Variants in FHAD1 observed in about 807,000 individuals in gnomAD.
FHAD1 encodes the protein forkhead associated phosphopeptide binding domain 1, also known as forkhead-associated domain-containing protein 1.
In FHAD1, 146 loss-of-function variants were observed where a neutral mutation model predicts 191.3. That is an observed-to-expected ratio of 0.76 (90% CI 0.67 to 0.88). FHAD1 has a LOEUF of 0.88. Ranked by LOEUF, FHAD1 falls within the 40% of genes least tolerant of loss-of-function variation. The pLI is 0.00. For missense variants in FHAD1, 1,635 were observed against 1,785.8 expected (o/e 0.92, Z 1.52); for synonymous variants, 616 against 672.3 (o/e 0.92, Z 1.29).
intron 14 of FHAD1, among the ~76,000 whole-genome samples, chr1:15,330,387 C>T (rs1453106214): frequency 6.6e-6 from 1 of 152,100 alleles, no homozygotes; most frequent in Non-Finnish European, 1.5e-5. Context: ...AGAGACGTAA[C>T]GGGGTCAGGA....
chr1:15,268,464 A>G (rs905144328), intron 2 of FHAD1, among the ~76,000 whole-genome samples: 2 of 134,308 alleles, frequency 1.5e-5, no homozygotes, highest in African/African-American at 5.2e-5. Context: ...ATACGTGTGC[A>G]TGTGTCTTTA....
rs150742559 is a variant in FHAD1 at position 15,254,248 on chromosome 1, T to C, written c.93+2371T>C. ...GAACTGGACTATGATATTAGAAAACTGTAGTAATTTTTAAAAGCACAGGCT... is the reference window on the plus strand; with the variant it reads ...GAACTGGACTATGATATTAGAAAACCGTAGTAATTTTTAAAAGCACAGGCT... On this transcript the variant is annotated intron_variant, in intron 2 of 33. Coordinates refer to ENST00000688493, the MANE Select transcript of FHAD1 (RefSeq NM_001391957.1). Among the ~76,000 whole-genome samples the C allele has an allele frequency of 7.3e-4, 111 of 152,314 alleles. No homozygotes were observed. The East Asian group carries it at 0.017, about 24-fold the overall frequency.
chr1:15,358,067 A>G (rs1275392739), intron 20 of FHAD1, 43 bp from the exon 21 acceptor site: 3 of 1,389,334 alleles, frequency 2.2e-6, no homozygotes, highest in Non-Finnish European at 2.9e-6. Flanking sequence ...GTAAATATGT[A>G]TTCCTGAATG....
intron 5 of FHAD1, among the ~76,000 whole-genome samples, chr1:15,299,740 A>AGAT (rs1668152848): frequency 6.6e-6 from 1 of 152,262 alleles, no homozygotes; most frequent in African/African-American, 2.4e-5. Context: ...GGCACACAGT[A>AGAT]GATGCTCAAT....
In FHAD1 at chr1:15,358,204, C is replaced by T; in HGVS notation, c.2657C>T (p.Thr886Ile). Residue 886 changes from threonine (T) to isoleucine (I), a missense_variant, in exon 21 of 34, where the codon ACT becomes ATT. Thr to Ile is a moderately conservative substitution (Grantham distance 89). Transcript: ENST00000688493. ...GAAGAGACTCAGAAAACAAAGGCAA[C>T]TGAAAGTCTAAAAGCAGAGAGCCTC... ...MVEETQKTKA[T>I]ESLKAESLAL... 1 of 1,540,740 alleles carries T rather than the reference C, an allele frequency of 6.5e-7. No homozygotes were observed. Among genetic ancestry groups the T allele is most frequent in the African/African-American group, 1.4e-5 (1 of 72,212 alleles).
At chr1:15,266,579 A>G (rs1653619804) in intron 2 of FHAD1, among the ~76,000 whole-genome samples, 1 of 152,164 alleles carries the variant, frequency 6.6e-6, no homozygotes, top group African/African-American at 2.4e-5. Flanking sequence ...ATGAATCAAT[A>G]TTCATATGTT....
chr1:15,363,689 G>A (rs926990238), intron 23 of FHAD1: 18 of 453,714 alleles, frequency 4.0e-5, no homozygotes, highest in Middle Eastern at 3.8e-4. Flanking sequence ...TTAAGGGGTC[G>A]GCTAAGTGAC....
chr1:15,289,520 C>T lies in FHAD1; in HGVS notation c.422C>T (p.Pro141Leu). Residue 141 changes from proline to leucine, a missense_variant, in exon 4 of 34, where the codon CCA (proline) becomes CTA (leucine). Pro to Leu is a moderately conservative substitution (Grantham distance 98). Transcript: ENST00000688493. This position sits in a 1 kb window ranked among gnomAD's most constrained non-coding sequence, Gnocchi z 4.2. Reference sequence around the variant, plus strand: ...ATCCCCTTCCACCAAGGTGTCCAGCCAGCACCGATGCAAAGGAGCTGGTCC... The same window carrying T: ...ATCCCCTTCCACCAAGGTGTCCAGCTAGCACCGATGCAAAGGAGCTGGTCC... The part of the protein sequence containing the change: ...SHIPFHQGVQ[P>L]APMQRSWSQA... 1 of 1,551,908 alleles carries T rather than the reference C, an allele frequency of 6.4e-7. No homozygotes were observed. The highest frequency in any genetic ancestry group is 1.4e-5 in the African/African-American group (1 of 73,186).
chr1:15,379,676 T>C (rs1490569648), intron 28 of FHAD1, among the ~76,000 whole-genome samples: 3 of 152,224 alleles, frequency 2.0e-5, no homozygotes, highest in Non-Finnish European at 4.4e-5. Flanking sequence ...TAGGCAGAGG[T>C]CCATGCGGCT....
intron 2 of FHAD1, among the ~76,000 whole-genome samples, chr1:15,267,270 G>A (rs760319317): frequency 2.2e-4 from 34 of 151,786 alleles, no homozygotes; most frequent in Non-Finnish European, 4.9e-4. Flanking sequence ...ATTTTCAAAC[G>A]CCAAATCAGT....
chr1:15,316,783 C>G lies in FHAD1; in HGVS notation c.1260+316C>G, dbSNP rs1674600370. Among the ~76,000 whole-genome samples, 1 of 152,226 alleles carries G rather than the reference C, an allele frequency of 6.6e-6. No individual in the cohort carries two copies. Among genetic ancestry groups the G allele is most frequent in the South Asian group, 2.1e-4 (1 of 4,834 alleles). The stretch of plus-strand genomic sequence containing the variant: ...CATGGTCCCCTGCCCCACCCCTGAC[C>G]TGTGACTCCCAAACATGTATTCCAC... On this transcript the variant is annotated intron_variant, in intron 9 of 33. Transcript: ENST00000688493. The surrounding 1 kb of genome is among the most constrained non-coding windows in gnomAD (Gnocchi z 4.3).
intron 6 of FHAD1, among the ~76,000 whole-genome samples, chr1:15,305,052 A>G (rs1670028710): frequency 6.6e-6 from 1 of 152,208 alleles, no homozygotes; most frequent in South Asian, 2.1e-4. Context: ...AATAACAATC[A>G]CACTGGTGTT....
At chr1:15,256,525 C>T (rs1455173035) in intron 2 of FHAD1, among the ~76,000 whole-genome samples, 3 of 151,692 alleles carry the variant, frequency 2.0e-5, no homozygotes, top group African/African-American at 7.3e-5. Context: ...TGGTGGTGCA[C>T]ACCTGTAATC....
At chr1:15,241,671 AAACAAAC>A (rs1408547486) in intron 1 of FHAD1, among the ~76,000 whole-genome samples, 3 of 45,912 alleles carry the variant, frequency 6.5e-5, no homozygotes, top group South Asian at 1.1e-3. Flanking sequence ...ACAAAAAAAC[AAACAAAC>A]AAAAAAAACC....
intron 28 of FHAD1, among the ~76,000 whole-genome samples, chr1:15,376,774 G>A (rs1371993641): frequency 6.6e-6 from 1 of 152,152 alleles, no homozygotes; most frequent in African/African-American, 2.4e-5. Context: ...GGTGGCTCAC[G>A]CCCATCATCC....
chr1:15,244,847 C>T (rs960980451), upstream of FHAD1, among the ~76,000 whole-genome samples: 2 of 152,150 alleles, frequency 1.3e-5, no homozygotes, highest in African/African-American at 4.8e-5. The surrounding 1 kb of genome is among the most constrained non-coding windows in gnomAD (Gnocchi z 5.1). Flanking sequence ...ATTTGTGTTG[C>T]TATCAAGTAA....
chr1:15,315,021 T>C (rs1340462350), intron 8 of FHAD1: 1 of 152,012 alleles, frequency 6.6e-6, no homozygotes, highest in East Asian at 1.9e-4. Flanking sequence ...TGTCCCCATT[T>C]CCCTTCCCCG....
chr1:15,360,674 A>G lies in FHAD1; in HGVS notation c.2933A>G (p.Glu978Gly), dbSNP rs147153673. The change falls in exon 22 of 34, where the codon GAG becomes GGG. Residue 978 changes from glutamate to glycine, a missense_variant. Coordinates refer to ENST00000688493, the MANE Select transcript of FHAD1 (RefSeq NM_001391957.1). ...VTQHHKKIEG[E>G]IATLKDNDPA... is the part of the protein sequence containing the mutation. The stretch of plus-strand genomic sequence containing the variant: ...CAGCACCATAAAAAAATAGAAGGCG[A>G]GATTGCAACATTGAAGGACAATGAC... The G allele has an allele frequency of 7.8e-4, 1,209 of 1,551,804 alleles. 8 individuals carry two copies. In the African/African-American group the frequency reaches 0.013, roughly 17 times the overall value.
intron 2 of FHAD1, 140 bp downstream of exon 2, chr1:15,252,017 A>T: frequency 1.4e-6 from 1 of 715,008 alleles, no homozygotes; most frequent in Non-Finnish European, 2.3e-6. Context: ...TTGGTGTGCT[A>T]CCAATAGCCA....
Sources: gnomAD v4.1 joint callset for allele counts (sites outside exome capture counted in the v4.1 genomes callset) on GRCh38, gnomAD v4.1.1 for gene constraint, Gnocchi (gnomAD v3.1) non-coding constraint, MANE v1.5 for transcripts, NCBI Gene and HGNC (gene_info 2026-07-23, HGNC 2026-07-21) for gene names.